The following KITLG variants were observed in gnomAD, a reference collection of about 807,000 sequenced individuals.
The protein encoded by KITLG is c-Kit ligand.
In KITLG, 13 loss-of-function variants were observed where a neutral mutation model predicts 34.1. The observed-to-expected ratio is 0.38, with a 90% CI of 0.25 to 0.61. The LOEUF is 0.61. Among genes scored for constraint, KITLG ranks in the 20% least tolerant of loss-of-function variants. KITLG has a pLI of 0.60. For synonymous variants in KITLG, 110 were observed against 104.0 expected, an observed-to-expected ratio of 1.06 and a Z score of -0.35; for missense variants, 292 against 318.9, an observed-to-expected ratio of 0.92 and a Z score of 0.64.
In KITLG at chr12:88,507,120, G is replaced by A. The variant is rs752659461; in HGVS notation, c.622C>T (p.Pro208Ser). The A allele has an allele frequency of 1.2e-6, 2 of 1,610,980 alleles. No individual in the cohort carries two copies. The highest frequency in any genetic ancestry group is 1.7e-6 in the Non-Finnish European group (2 of 1,177,348). ...GCCCAGTGTAGGCTGGAGTCTCCAGGGGGATTTTTGGCCTTCCCTATAATT... is the reference window on the plus strand; with the variant it reads ...GCCCAGTGTAGGCTGGAGTCTCCAGAGGGATTTTTGGCCTTCCCTATAATT... ...SSSNRKAKNP[P>S]GDSSLHWAAM... Residue 208 changes from proline (P) to serine (S), a missense_variant, in exon 7 of 10, where the codon CCT becomes TCT. Pro to Ser is a moderately conservative substitution (Grantham distance 74). This residue lies in a region of KITLG where 140 missense variants were observed against 111.0 expected (regional missense o/e 1.26). Coordinates refer to ENST00000644744, the MANE Select transcript of KITLG (RefSeq NM_000899.5).
At chr12:88,534,911 C>T (rs946582960) in intron 2 of KITLG, 8 of 261,042 alleles carry the variant, frequency 3.1e-5, no homozygotes, top group Admixed American at 1.7e-4. Context: ...GATGTGAAAG[C>T]GATAAGTAAG....
At chr12:88,515,448 G>T in intron 6 of KITLG, 86 bp downstream of exon 6, 2 of 802,376 alleles carry the variant, frequency 2.5e-6, no homozygotes, top group Non-Finnish European at 4.4e-6. Flanking sequence ...AATAATAAAT[G>T]TAGAAGTTTC....
chr12:88,525,906 G>T (rs979630853), intron 3 of KITLG, among the ~76,000 whole-genome samples: 4 of 152,180 alleles, frequency 2.6e-5, no homozygotes, highest in Non-Finnish European at 5.9e-5. Flanking sequence ...GTGTGAAAGA[G>T]AAATCTTAAA....
intron 2 of KITLG, among the ~76,000 whole-genome samples, chr12:88,535,425 T>G (rs964320940): frequency 2.0e-5 from 3 of 152,178 alleles, no homozygotes; most frequent in Non-Finnish European, 4.4e-5. Context: ...GAGATTATAT[T>G]AAGCTTATTT....
At chr12:88,512,873 T>C (rs1869326872) in intron 6 of KITLG, among the ~76,000 whole-genome samples, 1 of 151,866 alleles carries the variant, frequency 6.6e-6, no homozygotes, top group South Asian at 2.1e-4. Flanking sequence ...CCAGCAGATC[T>C]GTATTATAAG....
chr12:88,563,687 G>A (rs145823220), intron 1 of KITLG, among the ~76,000 whole-genome samples: 13 of 152,332 alleles, frequency 8.5e-5, no homozygotes, highest in East Asian at 1.9e-4. Flanking sequence ...GTGGCCGGGC[G>A]CAGTGGCTCA....
At chr12:88,563,389 C>G (rs1294369960) in intron 1 of KITLG, among the ~76,000 whole-genome samples, 2 of 152,160 alleles carry the variant, frequency 1.3e-5, no homozygotes, top group African/African-American at 2.4e-5. Context: ...AACCAGCTAC[C>G]TTTTCTTCAG....
At chr12:88,552,485 C>T (rs1021064993) in intron 1 of KITLG, among the ~76,000 whole-genome samples, 2 of 151,854 alleles carry the variant, frequency 1.3e-5, no homozygotes, top group Admixed American at 6.6e-5. Flanking sequence ...CCACTGCACC[C>T]GGCCAGTCAC....
Position 88,545,463 on chromosome 12 carries a change from C to T in KITLG, c.129+289G>A, listed in dbSNP as rs534073346. Among the ~76,000 whole-genome samples the T allele has an allele frequency of 7.2e-5, 11 of 152,284 alleles. No homozygotes were observed. The South Asian group carries it at 1.9e-3, about 26-fold the overall frequency. The stretch of plus-strand genomic sequence containing the variant: ...CTGGGGCAAGCCCATCAGCACACAG[C>T]GAACTCTCCAAGGTCCTTCACTGCC... On this transcript the variant is annotated intron_variant, in intron 2 of 9. Coordinates refer to ENST00000644744, the MANE Select transcript of KITLG (RefSeq NM_000899.5).
At position 88,495,608 on chromosome 12, in the gene KITLG, T is replaced by C. The variant is rs1222437789; in HGVS notation, c.*1611A>G. On this transcript the variant is annotated 3_prime_UTR_variant, in exon 10 of 10. Coordinates refer to ENST00000644744, the MANE Select transcript of KITLG (RefSeq NM_000899.5). ...GCAAAGGCCACTTACTGGAGTTGCATCTGGATTTGCTTTGAACAGAAGCTA... is the reference window on the plus strand; with the variant it reads ...GCAAAGGCCACTTACTGGAGTTGCACCTGGATTTGCTTTGAACAGAAGCTA... 1.3e-5 allele frequency: 2 copies of C among 152,580 alleles called. No homozygotes were observed. The highest frequency in any genetic ancestry group is 2.9e-5 in the Non-Finnish European group (2 of 68,002). 9.5% of individuals were successfully genotyped at this position (152,580 alleles called of 1,614,324 possible).
intron 6 of KITLG, 63 bp downstream of exon 6, chr12:88,515,471 T>C (rs1365586923): frequency 2.0e-6 from 2 of 991,480 alleles, no homozygotes; most frequent in Non-Finnish European, 3.2e-6. Flanking sequence ...TGAAAGCCCA[T>C]GCAATACTCC....
In KITLG at chr12:88,511,310, G is replaced by A. The variant is rs1195336727; in HGVS notation, c.605-4173C>T. 2.0e-5 allele frequency among the ~76,000 whole-genome samples: 3 copies of A among 152,108 alleles called. No homozygotes were observed. In the East Asian group the frequency reaches 5.8e-4, roughly 29 times the overall value. On this transcript the variant is annotated intron_variant, in intron 6 of 9. Coordinates refer to ENST00000644744, the MANE Select transcript of KITLG (RefSeq NM_000899.5). ...GAGGCAACTCTTTTCAGAAATTAGT[G>A]AACAGCAGTACAAATGTGTAATTCA...
chr12:88,564,839 T>C (rs778692042), intron 1 of KITLG, among the ~76,000 whole-genome samples: 6 of 152,168 alleles, frequency 3.9e-5, no homozygotes, highest in Non-Finnish European at 8.8e-5. Context: ...CCCAAAATGA[T>C]ATATGTTTTT....
intron 6 of KITLG, among the ~76,000 whole-genome samples, chr12:88,514,097 CAA>C (rs1869374356): frequency 6.6e-6 from 1 of 151,394 alleles, no homozygotes; most frequent in Admixed American, 6.6e-5. Context: ...ATCCATGAAT[CAA>C]AGAAGAAATC....
chr12:88,527,741 G>A (rs1401974184), intron 3 of KITLG, among the ~76,000 whole-genome samples: 1 of 152,184 alleles, frequency 6.6e-6, no homozygotes, highest in South Asian at 2.1e-4. Flanking sequence ...ATGAGGAGAG[G>A]ATGGACTCTG....
At position 88,495,495 on chromosome 12, in the gene KITLG, A is replaced by G. The variant is rs1345813424; in HGVS notation, c.*1724T>C. 1 of 152,648 alleles carries G rather than the reference A, an allele frequency of 6.6e-6. No homozygotes were observed. Among genetic ancestry groups the G allele is most frequent in the East Asian group, 1.9e-4 (1 of 5,176 alleles). 9.5% of individuals were successfully genotyped at this position (152,648 alleles called of 1,614,324 possible). ...TCTCAAAGCACCTGGGTTATATCTTAGAGAAATTACTCATATTTAAGGAAC... is the reference window on the plus strand; with the variant it reads ...TCTCAAAGCACCTGGGTTATATCTTGGAGAAATTACTCATATTTAAGGAAC... On this transcript the variant is annotated 3_prime_UTR_variant, in exon 10 of 10. Coordinates refer to ENST00000644744, the MANE Select transcript of KITLG (RefSeq NM_000899.5).
intron 1 of KITLG, among the ~76,000 whole-genome samples, chr12:88,550,119 T>G (rs979685223): frequency 1.3e-5 from 2 of 152,166 alleles, no homozygotes; most frequent in African/African-American, 4.8e-5. Context: ...GAGATGAGAT[T>G]AACCAGAAAC....
chr12:88,558,931 G>C (rs1333518986), intron 1 of KITLG, among the ~76,000 whole-genome samples: 3 of 152,138 alleles, frequency 2.0e-5, no homozygotes, highest in South Asian at 2.1e-4. Flanking sequence ...AGTAACTTGA[G>C]GGGGGTGAGG....
chr12:88,501,787 T>C (rs1868869027), intron 9 of KITLG, among the ~76,000 whole-genome samples: 1 of 152,220 alleles, frequency 6.6e-6, no homozygotes, highest in Admixed American at 6.5e-5. Flanking sequence ...TTCATATATT[T>C]TATTCTCATC....
Sources: gnomAD v4.1 joint callset for allele counts (sites outside exome capture counted in the v4.1 genomes callset) on GRCh38, gnomAD v4.1.1 for gene constraint, gnomAD v4.1.1 regional missense constraint, MANE v1.5 for transcripts, NCBI Gene and HGNC (gene_info 2026-07-23, HGNC 2026-07-21) for gene names.